BAIAP2: variants seen among roughly 807,000 people sequenced by gnomAD.
BAIAP2 encodes BAR/IMD domain-containing adapter protein 2.
A neutral mutation model predicts 63.0 loss-of-function variants in BAIAP2; 18 were observed. The observed-to-expected ratio is 0.29, with a 90% confidence interval of 0.20 to 0.42. The LOEUF (loss-of-function observed/expected upper bound fraction) is 0.42. Among genes scored for constraint, BAIAP2 ranks in the 10% least tolerant of loss-of-function variants. The pLI, the probability that BAIAP2 is intolerant of heterozygous loss-of-function variation, is 1.00. For synonymous variants in BAIAP2, 386 were observed against 307.6 expected, an observed-to-expected ratio of 1.25 and a Z score of -2.67; for missense variants, 610 against 734.3, an observed-to-expected ratio of 0.83 and a Z score of 1.96.
rs989159337 is a variant in BAIAP2 at position 81,083,605 on chromosome 17, T to C, written c.218-1227T>C. 8 of 152,120 alleles carry C rather than the reference T, an allele frequency of 5.3e-5. 1 individual carries two copies. The highest frequency in any genetic ancestry group is 1.4e-4 in the African/African-American group (6 of 41,462). The allele number at this position is 152,120 out of a possible 1,614,324, so 9.4% of individuals were successfully genotyped here. A position where few individuals can be genotyped will look rare whatever the true frequency, so the allele number is the denominator to read the frequency against. ...GGGGCTGTGGCATGCTTCTGTCCCATGTGGTGCTGATGGGGGGTGGGTCTC... is the reference window on the plus strand; with the variant it reads ...GGGGCTGTGGCATGCTTCTGTCCCACGTGGTGCTGATGGGGGGTGGGTCTC... On this transcript the variant is annotated intron_variant, in intron 3 of 13. Coordinates refer to ENST00000428708, the MANE Select transcript of BAIAP2 (RefSeq NM_001144888.2).
Position 81,052,942 on chromosome 17 carries a change from G to A in BAIAP2, c.55-726G>A, listed in dbSNP as rs370494419. On this transcript the variant is annotated intron_variant, in intron 1 of 13. Coordinates refer to ENST00000428708, the MANE Select transcript of BAIAP2 (RefSeq NM_001144888.2). Reference sequence around the variant, plus strand: ...GGTTTCTGCTGGAGCTGCTCCCTGGGCCCTTGCTGGCAGGGGCTGGCTGTT... The same window carrying A: ...GGTTTCTGCTGGAGCTGCTCCCTGGACCCTTGCTGGCAGGGGCTGGCTGTT... Among the ~76,000 whole-genome samples, 10 of 152,306 alleles carry A rather than the reference G, an allele frequency of 6.6e-5. No individual in the cohort carries two copies. In the East Asian group the frequency reaches 1.9e-3, roughly 29 times the overall value.
At chr17:81,043,666 C>T (rs1013208874) in intron 1 of BAIAP2, among the ~76,000 whole-genome samples, 1 of 152,216 alleles carries the variant, frequency 6.6e-6, no homozygotes, top group Non-Finnish European at 1.5e-5. Context: ...GCTGGACATT[C>T]TCTGTGCTCA....
chr17:81,072,095 T>G (rs1480987384), intron 3 of BAIAP2, among the ~76,000 whole-genome samples: 1 of 152,168 alleles, frequency 6.6e-6, no homozygotes. Flanking sequence ...TGGGGTTCCC[T>G]GCGGGCTGTG....
chr17:81,079,688 G>A (rs80220128), intron 3 of BAIAP2, among the ~76,000 whole-genome samples: 18 of 152,268 alleles, frequency 1.2e-4, no homozygotes, highest in Middle Eastern at 3.4e-3. Context: ...CCAGATCCCC[G>A]GATCCTTCTG....
intron 3 of BAIAP2, among the ~76,000 whole-genome samples, chr17:81,079,797 C>G (rs1030146801): frequency 2.0e-5 from 3 of 152,192 alleles, no homozygotes; most frequent in African/African-American, 7.2e-5. Flanking sequence ...GAGTTAAGGT[C>G]CCACCTGTGC....
intron 1 of BAIAP2, among the ~76,000 whole-genome samples, chr17:81,052,343 C>T (rs151317054): frequency 6.4e-4 from 97 of 152,378 alleles, no homozygotes; most frequent in African/African-American, 2.2e-3. Flanking sequence ...CAGGGCTTTG[C>T]GGCTGGGTCG....
intron 3 of BAIAP2, among the ~76,000 whole-genome samples, chr17:81,071,642 C>T (rs2052681940): frequency 6.6e-6 from 1 of 152,244 alleles, no homozygotes; most frequent in Admixed American, 6.5e-5. Flanking sequence ...CCAAAAAGAG[C>T]ACCCTGACCA....
chr17:81,036,830 A>G (rs2046340186), intron 1 of BAIAP2: 3 of 1,498,134 alleles, frequency 2.0e-6, no homozygotes, highest in African/African-American at 1.4e-5. Flanking sequence ...ATTATTAGTC[A>G]TTAGCTCCAT....
At chr17:81,040,616 C>G (rs955253195) in intron 1 of BAIAP2, among the ~76,000 whole-genome samples, 2 of 152,282 alleles carry the variant, frequency 1.3e-5, no homozygotes, top group Non-Finnish European at 2.9e-5. Context: ...TGGGAATGAA[C>G]ACATCTTGTT....
chr17:81,076,013 C>T (rs1279601067), intron 3 of BAIAP2, among the ~76,000 whole-genome samples: 5 of 150,222 alleles, frequency 3.3e-5, no homozygotes, highest in African/African-American at 9.8e-5. Flanking sequence ...CCCGGGTGTT[C>T]CCTCTTGCTA....
At chr17:81,070,455 C>T (rs939428618) in intron 3 of BAIAP2, among the ~76,000 whole-genome samples, 1 of 152,212 alleles carries the variant, frequency 6.6e-6, no homozygotes, top group African/African-American at 2.4e-5. Context: ...ACCCCTCTGC[C>T]CCGTCAGACC....
intron 3 of BAIAP2, among the ~76,000 whole-genome samples, chr17:81,061,699 T>G (rs2144490163): frequency 6.6e-6 from 1 of 152,318 alleles, no homozygotes; most frequent in South Asian, 2.1e-4. Flanking sequence ...TGTTTTTAGC[T>G]TGGGGCGTTC....
In BAIAP2 at chr17:81,116,291, C is replaced by T. The variant is rs762757297; in HGVS notation, c.*452C>T. Reference sequence around the variant, plus strand: ...GCACGGGGATGGGAGCGCCCGCACCCTGGCTGGAAGATGAACTTCCCGTAA... The same window carrying T: ...GCACGGGGATGGGAGCGCCCGCACCTTGGCTGGAAGATGAACTTCCCGTAA... On this transcript the variant is annotated 3_prime_UTR_variant, in exon 14 of 14. Coordinates refer to ENST00000428708, the MANE Select transcript of BAIAP2 (RefSeq NM_001144888.2). 7 of 1,612,888 alleles carry T rather than the reference C, an allele frequency of 4.3e-6. No homozygotes were observed. Among genetic ancestry groups the T allele is most frequent in the South Asian group, 1.1e-5 (1 of 91,088 alleles).
intron 1 of BAIAP2, among the ~76,000 whole-genome samples, chr17:81,053,042 A>T (rs1436091459): frequency 1.3e-5 from 2 of 152,128 alleles, no homozygotes; most frequent in Non-Finnish European, 2.9e-5. Flanking sequence ...TATCCCTTGT[A>T]ATTAAAACAT....
chr17:81,049,504 C>T (rs2048335872), intron 1 of BAIAP2, among the ~76,000 whole-genome samples: 1 of 152,202 alleles, frequency 6.6e-6, no homozygotes, highest in African/African-American at 2.4e-5. Flanking sequence ...AACAAGCTCC[C>T]TTCCCCTTTT....
At chr17:81,110,929 G>A (rs2059854505) in intron 13 of BAIAP2, 2 of 1,613,910 alleles carry the variant, frequency 1.2e-6, no homozygotes, top group Non-Finnish European at 1.7e-6. Context: ...ATGTGGAAGT[G>A]GCCAGATTCT....
chr17:81,108,422 G>A (rs901176113), intron 12 of BAIAP2, 53 bp from the exon 13 acceptor site: 39 of 1,604,858 alleles, frequency 2.4e-5, no homozygotes, highest in Non-Finnish European at 3.2e-5. Context: ...AGCGGGTGGG[G>A]GTGACCACAG....
At chr17:81,070,306 C>T (rs2052359528) in intron 3 of BAIAP2, among the ~76,000 whole-genome samples, 1 of 152,168 alleles carries the variant, frequency 6.6e-6, no homozygotes, top group Non-Finnish European at 1.5e-5. Context: ...AAGGAACAGG[C>T]CCTGCTCCAA....
At chr17:81,075,203 T>G (rs1251250661) in intron 3 of BAIAP2, among the ~76,000 whole-genome samples, 2 of 152,238 alleles carry the variant, frequency 1.3e-5, no homozygotes, top group Non-Finnish European at 2.9e-5. Flanking sequence ...TGCCTGTGAT[T>G]TCAAGCCGGC....
Sources: gnomAD v4.1 joint callset for allele counts (sites outside exome capture counted in the v4.1 genomes callset) on GRCh38, gnomAD v4.1.1 for gene constraint, MANE v1.5 for transcripts, NCBI Gene and HGNC (gene_info 2026-07-23, HGNC 2026-07-21) for gene names.